The following ARHGEF33 variants were observed in gnomAD, a reference collection of about 807,000 sequenced individuals.
The protein encoded by ARHGEF33 is DH and coiled-coil domain-containing protein ENSP00000381780.
A neutral mutation model predicts 101.9 loss-of-function variants in ARHGEF33; 72 were observed. The observed-to-expected ratio is 0.71, with a 90% confidence interval of 0.58 to 0.86. The LOEUF is 0.86. Ranked by LOEUF, ARHGEF33 falls within the 40% of genes least tolerant of loss-of-function variation. The probability of loss-of-function intolerance (pLI) is 0.00; values close to 1 mark genes in which losing one functional copy is unlikely to be tolerated. For missense variants in ARHGEF33, 1,169 were observed against 1,111.3 expected (o/e 1.05, Z -0.74); for synonymous variants, 499 against 442.5 (o/e 1.13, Z -1.60).
intron 2 of ARHGEF33, among the ~76,000 whole-genome samples, chr2:38,912,726 C>T (rs1666534691): frequency 6.6e-6 from 1 of 152,020 alleles, no homozygotes; most frequent in East Asian, 1.9e-4. Context: ...TTGGAGAAAG[C>T]CAGGAGTAAT....
At chr2:38,954,256 C>G (rs1282747349) in intron 12 of ARHGEF33, 117 bp from the exon 13 acceptor site, 3 of 662,470 alleles carry the variant, frequency 4.5e-6, no homozygotes, top group Admixed American at 2.4e-5. Flanking sequence ...CTATGACAAT[C>G]TCTGGGAAGA....
At chr2:38,912,620 A>C (rs1299222818) in intron 2 of ARHGEF33, among the ~76,000 whole-genome samples, 2 of 152,166 alleles carry the variant, frequency 1.3e-5, no homozygotes, top group African/African-American at 4.8e-5. Context: ...AAAAAATGAA[A>C]ATTACCCTAA....
intron 7 of ARHGEF33, among the ~76,000 whole-genome samples, chr2:38,933,303 A>G (rs920677501): frequency 6.6e-6 from 1 of 152,054 alleles, no homozygotes; most frequent in African/African-American, 2.4e-5. Context: ...CTGCCTTACA[A>G]TTTGGCAGCT....
At chr2:38,941,684 A>T (rs757230705) in intron 9 of ARHGEF33, among the ~76,000 whole-genome samples, 5 of 151,760 alleles carry the variant, frequency 3.3e-5, no homozygotes, top group Non-Finnish European at 5.9e-5. Flanking sequence ...AGTAGCTGGG[A>T]CTACAGCCGT....
At chr2:38,916,647 C>T (rs1471736760) in intron 2 of ARHGEF33, among the ~76,000 whole-genome samples, 1 of 152,130 alleles carries the variant, frequency 6.6e-6, no homozygotes, top group Admixed American at 6.5e-5. Flanking sequence ...TCTTTATATT[C>T]CTCATTTATA....
intron 11 of ARHGEF33, among the ~76,000 whole-genome samples, chr2:38,951,528 AG>A (rs1332777492): frequency 6.6e-6 from 1 of 152,082 alleles, no homozygotes; most frequent in Admixed American, 6.6e-5. Context: ...ACACTTTGGG[AG>A]GCTGAAGCAG....
At chr2:38,957,871 A>G (rs748273548) in intron 14 of ARHGEF33, 163 bp from the exon 15 acceptor site, 1 of 788,724 alleles carries the variant, frequency 1.3e-6, no homozygotes, top group Non-Finnish European at 2.0e-6. Flanking sequence ...GCCAGCTTGC[A>G]CCCTATTAAG....
Position 38,919,487 on chromosome 2 carries a change from A to G in ARHGEF33, c.25+15A>G. The G allele has an allele frequency of 6.4e-7, 1 of 1,551,652 alleles. No individual in the cohort carries two copies. Among genetic ancestry groups the G allele is most frequent in the Non-Finnish European group, 8.7e-7 (1 of 1,146,850 alleles). ...AACAAAGCAAGGTCAGATTTTTCCTATGTCTTGCTTTAGGACTTAGGATTC... is the reference window on the plus strand; with the variant it reads ...AACAAAGCAAGGTCAGATTTTTCCTGTGTCTTGCTTTAGGACTTAGGATTC... On this transcript the variant is annotated intron_variant, in intron 3 of 17. Coordinates refer to ENST00000409978, the MANE Select transcript of ARHGEF33 (RefSeq NM_001145451.5).
chr2:38,891,054 C>T (rs1157521428), intron 1 of ARHGEF33, among the ~76,000 whole-genome samples: 1 of 151,468 alleles, frequency 6.6e-6, no homozygotes, highest in Admixed American at 6.6e-5. Flanking sequence ...CACCTCAGCC[C>T]CCACAGGTAA....
In ARHGEF33 at chr2:38,973,769, T is replaced by A; in HGVS notation, c.2539T>A (p.Ser847Thr). Residue 847 changes from serine (S) to threonine (T), a missense_variant, in exon 18 of 18, where the codon TCA becomes ACA. By Grantham distance (58) the Ser-to-Thr change is moderately conservative (BLOSUM62 1). Coordinates refer to ENST00000409978, the MANE Select transcript of ARHGEF33 (RefSeq NM_001145451.5). ...TAATGAGAATCCCTCAATGGATCCT[T>A]CACCCACCAAACAAGATTTCTTCAG... ...KTNENPSMDP[S>T]PTKQDFFRNR... is the part of the protein sequence containing the mutation. 4 of 1,549,158 alleles carry A rather than the reference T, an allele frequency of 2.6e-6. No individual in the cohort carries two copies. The highest frequency in any genetic ancestry group is 3.5e-6 in the Non-Finnish European group (4 of 1,146,194).
chr2:38,940,588 A>C (rs866046204), intron 9 of ARHGEF33, among the ~76,000 whole-genome samples: 1 of 151,582 alleles, frequency 6.6e-6, no homozygotes, highest in Non-Finnish European at 1.5e-5. Context: ...GATTTTTTTC[A>C]TCTTCTGTAT....
At position 38,958,015 on chromosome 2, in the gene ARHGEF33, G is replaced by A; in HGVS notation, c.1371-19G>A. 2 of 1,552,134 alleles carry A rather than the reference G, an allele frequency of 1.3e-6. No individual in the cohort carries two copies. The highest frequency in any genetic ancestry group is 4.9e-5 in the East Asian group (2 of 40,922). Reference sequence around the variant, plus strand: ...TTTGCCACTGTACAACCTGAGAACTGTTATTTCCATTCTGTTAGGTCATCC... The same window carrying A: ...TTTGCCACTGTACAACCTGAGAACTATTATTTCCATTCTGTTAGGTCATCC... On this transcript the variant is annotated intron_variant, in intron 14 of 17. Transcript: ENST00000409978.
At chr2:38,894,497 A>C (rs891287950) in intron 1 of ARHGEF33, among the ~76,000 whole-genome samples, 2 of 152,112 alleles carry the variant, frequency 1.3e-5, no homozygotes, top group Non-Finnish European at 2.9e-5. Context: ...AAAACAAACA[A>C]ACAAACAAAC....
intron 16 of ARHGEF33, among the ~76,000 whole-genome samples, chr2:38,964,847 G>A (rs979197697): frequency 6.6e-6 from 1 of 152,140 alleles, no homozygotes; most frequent in African/African-American, 2.4e-5. Context: ...TAACTGCAGA[G>A]ATTCTGATTC....
chr2:38,897,795 A>G (rs1278655699), intron 2 of ARHGEF33, among the ~76,000 whole-genome samples: 1 of 152,232 alleles, frequency 6.6e-6, no homozygotes, highest in African/African-American at 2.4e-5. Flanking sequence ...CCAGGGAAGA[A>G]TGACATTTGC....
At chr2:38,912,131 T>C (rs1200850633) in intron 2 of ARHGEF33, among the ~76,000 whole-genome samples, 4 of 152,260 alleles carry the variant, frequency 2.6e-5, no homozygotes, top group African/African-American at 7.2e-5. Context: ...TTTTCCCCAG[T>C]GTCCGCCAAG....
chr2:38,890,968 G>GTTTTTTTTTT (rs11380408), intron 1 of ARHGEF33, among the ~76,000 whole-genome samples: 2 of 145,026 alleles, frequency 1.4e-5, no homozygotes, highest in South Asian at 2.2e-4. Flanking sequence ...CATACTATTG[G>GTTTTTTTTTT]TTTTTTTTTT....
At chr2:38,902,770 G>C (rs1354924842) in intron 2 of ARHGEF33, among the ~76,000 whole-genome samples, 12 of 152,064 alleles carry the variant, frequency 7.9e-5, no homozygotes, top group Non-Finnish European at 1.2e-4. Flanking sequence ...CCTCATGAGG[G>C]GGCACTGATA....
At chr2:38,917,352 A>G (rs1461696128) in intron 2 of ARHGEF33, among the ~76,000 whole-genome samples, 2 of 151,920 alleles carry the variant, frequency 1.3e-5, no homozygotes, top group Admixed American at 6.6e-5. Context: ...TCAGCCTCCC[A>G]AAGTGCTGGG....
Sources: allele counts gnomAD v4.1 joint callset (sites outside exome capture counted in the v4.1 genomes callset), GRCh38; gene constraint gnomAD v4.1.1; transcripts MANE v1.5; gene names NCBI Gene and HGNC (gene_info 2026-07-23, HGNC 2026-07-21).